The following RNF111 variants were observed in gnomAD, a reference collection of about 807,000 sequenced individuals.
The protein encoded by RNF111 is E3 ubiquitin-protein ligase Arkadia.
In RNF111, 17 loss-of-function variants were observed where a neutral mutation model predicts 95.1. That is an observed-to-expected ratio of 0.18 (90% CI 0.12 to 0.27). The LOEUF (loss-of-function observed/expected upper bound fraction) is 0.27. RNF111 is among the 10% of genes least tolerant of loss of function. RNF111 has a pLI of 1.00. For synonymous variants in RNF111, 440 were observed against 414.8 expected (o/e 1.06, Z -0.74); for missense variants, 1,189 against 1,210.4 (o/e 0.98, Z 0.26).
chr15:59,033,958 AT>A (rs1348850224), intron 2 of RNF111, among the ~76,000 whole-genome samples: 3 of 152,232 alleles, frequency 2.0e-5, no homozygotes, highest in Non-Finnish European at 4.4e-5. Flanking sequence ...TAATGATTTA[AT>A]AACATTCACA....
intron 1 of RNF111, among the ~76,000 whole-genome samples, chr15:58,999,530 T>G (rs2039232930): frequency 6.6e-6 from 1 of 152,096 alleles, no homozygotes. Context: ...GAGACAGGGT[T>G]TCACTATGTT....
intron 8 of RNF111, 58 bp downstream of exon 8, chr15:59,081,342 G>A: frequency 2.8e-6 from 4 of 1,428,392 alleles, no homozygotes; most frequent in South Asian, 1.3e-5. Context: ...ACTTCCATTG[G>A]TCTTTACAAC....
chr15:59,081,427 T>C (rs2078740745), intron 8 of RNF111, 143 bp downstream of exon 8: 2 of 681,908 alleles, frequency 2.9e-6, no homozygotes. Flanking sequence ...GGAGGATTGC[T>C]TGAGCCCAGG....
intron 1 of RNF111, among the ~76,000 whole-genome samples, chr15:59,001,351 G>A (rs1442864863): frequency 1.3e-5 from 2 of 151,964 alleles, no homozygotes; most frequent in African/African-American, 4.8e-5. Flanking sequence ...TCTCTTTTCT[G>A]GATTTCCTGT....
At chr15:58,993,047 G>A (rs968436642) in intron 1 of RNF111, among the ~76,000 whole-genome samples, 4 of 151,828 alleles carry the variant, frequency 2.6e-5, no homozygotes, top group Admixed American at 6.6e-5. Flanking sequence ...GCGGGTGCTT[G>A]TAATCCCAGC....
chr15:59,014,322 T>C (rs1009955957), intron 1 of RNF111, among the ~76,000 whole-genome samples: 5 of 152,198 alleles, frequency 3.3e-5, no homozygotes, highest in African/African-American at 1.2e-4. Flanking sequence ...GTTCTTTTTA[T>C]TGGAGAATGG....
At chr15:59,001,517 A>G (rs1166324389) in intron 1 of RNF111, among the ~76,000 whole-genome samples, 8 of 152,198 alleles carry the variant, frequency 5.3e-5, no homozygotes, top group African/African-American at 1.9e-4. Context: ...CATGTTTTTA[A>G]AAAATGTGAA....
chr15:59,005,689 A>G (rs556366015), intron 1 of RNF111, among the ~76,000 whole-genome samples: 8 of 152,206 alleles, frequency 5.3e-5, no homozygotes, highest in South Asian at 2.1e-4. Context: ...AAATGTATGT[A>G]TATGTATATG....
At chr15:59,006,887 A>G (rs750125728) in intron 1 of RNF111, among the ~76,000 whole-genome samples, 14 of 152,130 alleles carry the variant, frequency 9.2e-5, no homozygotes, top group Non-Finnish European at 1.5e-4. Flanking sequence ...CCCGGGTTCA[A>G]GCAGTTCTCT....
At chr15:59,011,045 A>G (rs1361925315) in intron 1 of RNF111, among the ~76,000 whole-genome samples, 1 of 152,206 alleles carries the variant, frequency 6.6e-6, no homozygotes, top group Non-Finnish European at 1.5e-5. Context: ...TTGAAGATGA[A>G]AAATTGTCTA....
intron 1 of RNF111, among the ~76,000 whole-genome samples, chr15:59,019,605 T>G (rs372159713): frequency 6.6e-6 from 1 of 152,110 alleles, no homozygotes; most frequent in East Asian, 1.9e-4. Flanking sequence ...CTATTTTTGT[T>G]GCTTTGGGGA....
At position 58,988,023 on chromosome 15, in the gene RNF111, A is replaced by G. The variant is rs79043409; in HGVS notation, c.-65A>G. 2.1e-5 allele frequency: 3 copies of G among 145,490 alleles called. No homozygotes were observed. Among genetic ancestry groups the G allele is most frequent in the East Asian group, 4.2e-4 (2 of 4,738 alleles). 9.0% of individuals were successfully genotyped at this position (145,490 alleles called of 1,614,324 possible). A position where few individuals can be genotyped will look rare whatever the true frequency, so the allele number is the denominator to read the frequency against. On this transcript the variant is annotated 5_prime_UTR_variant, in exon 1 of 14. Transcript: ENST00000348370. ...ACATTTCTGTCTTCCTTCCTGGGTC[A>G]GTGATTCCCGGACCCTGGAAGAGAA...
chr15:59,093,600 G>T, intron 13 of RNF111: 1 of 254,696 alleles, frequency 3.9e-6, no homozygotes, highest in South Asian at 3.6e-5. Context: ...TTTAGAAAAT[G>T]TTAATATGTT....
intron 6 of RNF111, among the ~76,000 whole-genome samples, chr15:59,070,879 T>A (rs1474838307): frequency 6.6e-6 from 1 of 152,208 alleles, no homozygotes; most frequent in Non-Finnish European, 1.5e-5. Flanking sequence ...CTCCAGCCCC[T>A]CAGCTTCCAG....
intron 2 of RNF111, among the ~76,000 whole-genome samples, chr15:59,045,669 A>C (rs548791602): frequency 6.6e-6 from 1 of 152,202 alleles, no homozygotes; most frequent in African/African-American, 2.4e-5. Context: ...TCGTTGATAC[A>C]TAATGCTTTT....
At chr15:59,044,175 C>G (rs1389994490) in intron 2 of RNF111, among the ~76,000 whole-genome samples, 1 of 152,138 alleles carries the variant, frequency 6.6e-6, no homozygotes, top group Non-Finnish European at 1.5e-5. Context: ...GGATTAGAGG[C>G]ACACATCACC....
intron 1 of RNF111, chr15:58,988,415 AC>A (rs1287712404): frequency 2.0e-5 from 3 of 151,996 alleles, no homozygotes; most frequent in African/African-American, 7.3e-5. Context: ...GGTAACCCGG[AC>A]CCGGGGAGTT....
chr15:59,006,633 T>A (rs1013198002), intron 1 of RNF111, among the ~76,000 whole-genome samples: 1 of 152,240 alleles, frequency 6.6e-6, no homozygotes, highest in African/African-American at 2.4e-5. Context: ...GCCATCTATT[T>A]GTTCCTCCAA....
chr15:59,037,133 A>G (rs1289423525), intron 2 of RNF111, among the ~76,000 whole-genome samples: 3 of 151,878 alleles, frequency 2.0e-5, no homozygotes, highest in Non-Finnish European at 4.4e-5. Context: ...ACTGCACGTA[A>G]CCAGTGTATT....
Sources: gnomAD v4.1 joint callset for allele counts (sites outside exome capture counted in the v4.1 genomes callset) on GRCh38, gnomAD v4.1.1 for gene constraint, MANE v1.5 for transcripts, NCBI Gene and HGNC (gene_info 2026-07-23, HGNC 2026-07-21) for gene names.